The following CSMD3 variants were observed in gnomAD, a reference collection of about 807,000 sequenced individuals.
The protein encoded by CSMD3 is CUB and Sushi multiple domains 3, also known as CUB and sushi domain-containing protein 3.
A neutral mutation model predicts 435.2 loss-of-function variants in CSMD3; 177 were observed. The observed-to-expected ratio is 0.41, with a 90% CI of 0.36 to 0.46. CSMD3 has a LOEUF of 0.46. CSMD3 is among the 20% of genes least tolerant of loss of function. The pLI, the probability that CSMD3 is intolerant of heterozygous loss-of-function variation, is 0.34. For synonymous variants in CSMD3, 1,656 were observed against 1,520.5 expected (o/e 1.09, Z -2.07); for missense variants, 4,265 against 4,504.6 (o/e 0.95, Z 1.52).
At chr8:113,066,129 GA>G (rs532343282) in intron 5 of CSMD3, among the ~76,000 whole-genome samples, 1,921 of 49,096 alleles carry the variant, frequency 0.039, 22 homozygotes, top group Non-Finnish European at 0.06. Context: ...CCAAGAAAAA[GA>G]AAAAAAAAAA....
chr8:113,178,234 A>T (rs925972270), intron 3 of CSMD3, among the ~76,000 whole-genome samples: 4 of 151,918 alleles, frequency 2.6e-5, no homozygotes, highest in African/African-American at 7.2e-5. Context: ...AATTCTCCCC[A>T]TTGTGTAGAA....
At chr8:112,966,705 T>C (rs907444509) in intron 7 of CSMD3, among the ~76,000 whole-genome samples, 7 of 151,838 alleles carry the variant, frequency 4.6e-5, no homozygotes, top group Non-Finnish European at 1.5e-5. Flanking sequence ...TATTCCTTTA[T>C]TGATCTTTCC....
chr8:112,609,861 A>T (rs1165646697), intron 22 of CSMD3, among the ~76,000 whole-genome samples: 1 of 152,132 alleles, frequency 6.6e-6, no homozygotes, highest in African/African-American at 2.4e-5. Context: ...GAAAATCCTG[A>T]CTTTGCAACA....
intron 3 of CSMD3, among the ~76,000 whole-genome samples, chr8:113,263,848 C>A (rs1383063958): frequency 1.3e-5 from 2 of 151,634 alleles, no homozygotes; most frequent in Non-Finnish European, 3.0e-5. Flanking sequence ...AGTGTTAAAG[C>A]TGATAGTTAT....
At chr8:112,920,563 T>A (rs967564291) in intron 10 of CSMD3, among the ~76,000 whole-genome samples, 21 of 151,938 alleles carry the variant, frequency 1.4e-4, no homozygotes, top group Admixed American at 1.3e-3. Flanking sequence ...ACCTCAATGA[T>A]ATGGTTCTTG....
chr8:113,289,449 A>G (rs1032651008), intron 2 of CSMD3, among the ~76,000 whole-genome samples: 3 of 151,494 alleles, frequency 2.0e-5, no homozygotes, highest in African/African-American at 7.3e-5. Context: ...ATTAGTAAAG[A>G]CTCATCACAA....
intron 24 of CSMD3, among the ~76,000 whole-genome samples, chr8:112,562,520 T>A (rs1268462388): frequency 6.6e-6 from 1 of 151,364 alleles, no homozygotes; most frequent in African/African-American, 2.4e-5. Context: ...AATAGATTGT[T>A]AAAAAGGAAA....
intron 5 of CSMD3, among the ~76,000 whole-genome samples, chr8:113,074,480 G>C (rs891151255): frequency 6.6e-6 from 1 of 151,804 alleles, no homozygotes. Flanking sequence ...TTTTTAAATA[G>C]TATGTCATTT....
intron 47 of CSMD3, among the ~76,000 whole-genome samples, chr8:112,315,062 G>T (rs571509791): frequency 2.0e-5 from 3 of 151,786 alleles, no homozygotes; most frequent in African/African-American, 7.2e-5. Flanking sequence ...ATAGAAAACT[G>T]TCCTCTCTCA....
intron 3 of CSMD3, among the ~76,000 whole-genome samples, chr8:113,176,095 T>A (rs2092343139): frequency 6.6e-6 from 1 of 152,106 alleles, no homozygotes; most frequent in Non-Finnish European, 1.5e-5. Flanking sequence ...GATTACCTAA[T>A]CTCCTGCCTT....
intron 3 of CSMD3, among the ~76,000 whole-genome samples, chr8:113,213,817 A>G (rs2092868640): frequency 6.6e-6 from 1 of 151,920 alleles, no homozygotes; most frequent in South Asian, 2.1e-4. Flanking sequence ...TCATGTATCC[A>G]TTTTCATTTC....
intron 36 of CSMD3, among the ~76,000 whole-genome samples, chr8:112,384,759 C>A (rs544643130): frequency 2.0e-5 from 3 of 152,290 alleles, no homozygotes; most frequent in African/African-American, 7.2e-5. Flanking sequence ...GCATCAGACC[C>A]AATGGCAGTG....
intron 1 of CSMD3, among the ~76,000 whole-genome samples, chr8:113,334,726 A>G (rs1359164058): frequency 6.6e-6 from 1 of 152,082 alleles, no homozygotes; most frequent in East Asian, 1.9e-4. Context: ...GTAATTGTGA[A>G]TTCTATTTTC....
At chr8:112,868,333 C>G (rs1440571600) in intron 10 of CSMD3, among the ~76,000 whole-genome samples, 2 of 152,022 alleles carry the variant, frequency 1.3e-5, no homozygotes, top group Admixed American at 1.3e-4. Context: ...AGAGTACACT[C>G]CAAAATGATG....
chr8:112,929,152 A>C (rs1587694678), intron 9 of CSMD3, among the ~76,000 whole-genome samples: 1 of 137,970 alleles, frequency 7.2e-6, no homozygotes, highest in South Asian at 2.3e-4. Context: ...TTTTCTTGTA[A>C]ATTTGTTTGA....
At chr8:112,698,320 A>T (rs1448748808) in intron 13 of CSMD3, among the ~76,000 whole-genome samples, 2 of 152,156 alleles carry the variant, frequency 1.3e-5, no homozygotes, top group East Asian at 1.9e-4. Flanking sequence ...ATATAACTAG[A>T]TATAAATGGG....
chr8:112,359,552 G>A (rs887152739), intron 38 of CSMD3, among the ~76,000 whole-genome samples: 2 of 152,042 alleles, frequency 1.3e-5, no homozygotes, highest in African/African-American at 4.8e-5. Flanking sequence ...AAATATTAAT[G>A]CCTAATTATG....
intron 13 of CSMD3, among the ~76,000 whole-genome samples, chr8:112,737,231 C>A (rs1343918055): frequency 1.3e-5 from 2 of 151,910 alleles, no homozygotes; most frequent in Non-Finnish European, 2.9e-5. Flanking sequence ...TCTCCAGAAA[C>A]TTACACTTTT....
At chr8:112,802,647 A>G (rs560050301) in intron 12 of CSMD3, among the ~76,000 whole-genome samples, 1 of 151,960 alleles carries the variant, frequency 6.6e-6, no homozygotes. Context: ...AAAAGATTTT[A>G]TTTTTAATCA....
Sources: gnomAD v4.1 joint callset for allele counts (sites outside exome capture counted in the v4.1 genomes callset) on GRCh38, gnomAD v4.1.1 for gene constraint, MANE v1.5 for transcripts, NCBI Gene and HGNC (gene_info 2026-07-23, HGNC 2026-07-21) for gene names.